PRKN: variants seen among roughly 807,000 people sequenced by gnomAD.
The protein encoded by PRKN is E3 ubiquitin-protein ligase parkin.
PRKN carries 56 observed loss-of-function variants against 59.5 expected under a neutral mutation model. That is an observed-to-expected ratio of 0.94 (90% CI 0.76 to 1.18). The LOEUF (loss-of-function observed/expected upper bound fraction) is 1.18, where lower values mean the gene tolerates loss of function less well. PRKN is among the 50% of genes most tolerant of loss of function. The pLI is 0.00. For synonymous variants in PRKN, 250 were observed against 222.1 expected, an observed-to-expected ratio of 1.13 and a Z score of -1.12; for missense variants, 657 against 596.4, an observed-to-expected ratio of 1.10 and a Z score of -1.06.
At chr6:161,662,642 T>C (rs1381989438) in intron 7 of PRKN, among the ~76,000 whole-genome samples, 1 of 149,188 alleles carries the variant, frequency 6.7e-6, no homozygotes, top group Non-Finnish European at 1.5e-5. Context: ...CCTCCAACTT[T>C]AGCAAAGTCT....
intron 6 of PRKN, among the ~76,000 whole-genome samples, chr6:161,902,552 A>ATCTATTTTTTTT (rs1343265664): frequency 8.3e-5 from 10 of 121,086 alleles, no homozygotes; most frequent in East Asian, 5.1e-4. Flanking sequence ...CTATCTATTT[A>ATCTATTTTTTTT]TTTATTTATT....
intron 1 of PRKN, among the ~76,000 whole-genome samples, chr6:162,520,799 T>TAAA (rs529792174): frequency 5.4e-5 from 8 of 148,296 alleles, no homozygotes; most frequent in South Asian, 2.1e-4. Flanking sequence ...GCCCTTAGTT[T>TAAA]AAAAAAAAAA....
chr6:162,519,725 T>C (rs1778010801), intron 1 of PRKN, among the ~76,000 whole-genome samples: 1 of 152,172 alleles, frequency 6.6e-6, no homozygotes, highest in Non-Finnish European at 1.5e-5. Context: ...ATTTTTAATA[T>C]ATCTGATGCT....
chr6:162,250,075 C>T (rs768810543), intron 3 of PRKN, among the ~76,000 whole-genome samples: 4 of 149,698 alleles, frequency 2.7e-5, no homozygotes, highest in African/African-American at 7.4e-5. Context: ...GAGCCCAGGA[C>T]GCAGAGGTTG....
rs1781091772 is a variant in PRKN, at chr6:162,587,107, A to T, written c.7+140555T>A. Reference sequence around the variant, plus strand: ...CATTTAATTAAAATGTTTTTATAAGAACATAACATAAGCACACAGTAGCAT... The same window carrying T: ...CATTTAATTAAAATGTTTTTATAAGTACATAACATAAGCACACAGTAGCAT... On this transcript the variant is annotated intron_variant, in intron 1 of 11. Coordinates refer to ENST00000366898, the MANE Select transcript of PRKN (RefSeq NM_004562.3). 3.3e-5 allele frequency among the ~76,000 whole-genome samples: 5 copies of T among 152,310 alleles called. No individual in the cohort carries two copies. The South Asian group carries it at 1.0e-3, about 32-fold the overall frequency.
chr6:161,684,594 A>G (rs1031565401), intron 7 of PRKN, among the ~76,000 whole-genome samples: 1 of 152,302 alleles, frequency 6.6e-6, no homozygotes, highest in South Asian at 2.1e-4. Flanking sequence ...TATTAGAGGG[A>G]AAAAATGTCC....
chr6:161,617,934 A>G (rs964221818), intron 7 of PRKN, among the ~76,000 whole-genome samples: 1 of 152,206 alleles, frequency 6.6e-6, no homozygotes, highest in Non-Finnish European at 1.5e-5. Flanking sequence ...AACAAAGGAA[A>G]AAGACTGTGA....
intron 6 of PRKN, among the ~76,000 whole-genome samples, chr6:161,850,360 A>G (rs1793375937): frequency 1.3e-5 from 2 of 152,082 alleles, no homozygotes; most frequent in African/African-American, 4.8e-5. Flanking sequence ...TGCGTGGATC[A>G]CGAGGTCAAG....
intron 5 of PRKN, among the ~76,000 whole-genome samples, chr6:161,973,692 G>A (rs907783325): frequency 1.3e-5 from 2 of 152,154 alleles, no homozygotes; most frequent in African/African-American, 4.8e-5. Context: ...TTTAAGCCAT[G>A]CCCCTCGATG....
intron 7 of PRKN, among the ~76,000 whole-genome samples, chr6:161,720,007 T>G (rs1342215692): frequency 1.3e-5 from 2 of 152,204 alleles, no homozygotes; most frequent in Admixed American, 1.3e-4. Flanking sequence ...CCTCCCCGTT[T>G]GCACTATGCT....
At chr6:161,723,019 A>G (rs1447311917) in intron 7 of PRKN, among the ~76,000 whole-genome samples, 1 of 152,212 alleles carries the variant, frequency 6.6e-6, no homozygotes. Flanking sequence ...CTGTAATCCC[A>G]GCACTTTGGG....
intron 1 of PRKN, among the ~76,000 whole-genome samples, chr6:162,567,561 A>G (rs998471292): frequency 6.6e-6 from 1 of 152,164 alleles, no homozygotes; most frequent in African/African-American, 2.4e-5. Context: ...GGAATTACCC[A>G]AAGAAGCAAA....
intron 2 of PRKN, among the ~76,000 whole-genome samples, chr6:162,337,094 T>C (rs372159796): frequency 9.2e-5 from 14 of 152,320 alleles, no homozygotes; most frequent in African/African-American, 2.9e-4. Context: ...CTACAAATAT[T>C]GAATTAGTAA....
At chr6:162,340,925 T>G (rs774525050) in intron 2 of PRKN, among the ~76,000 whole-genome samples, 7 of 152,140 alleles carry the variant, frequency 4.6e-5, no homozygotes, top group African/African-American at 9.7e-5. Flanking sequence ...AAATGGGATC[T>G]AATTAAACTA....
At chr6:162,153,197 G>A (rs1782348854) in intron 4 of PRKN, among the ~76,000 whole-genome samples, 1 of 152,262 alleles carries the variant, frequency 6.6e-6, no homozygotes. Context: ...ACAGGAGGGA[G>A]CGTGCAAGTG....
intron 1 of PRKN, among the ~76,000 whole-genome samples, chr6:162,653,000 C>T: frequency 6.6e-6 from 1 of 152,106 alleles, no homozygotes. Context: ...CCTTTAGAAA[C>T]TCTATGTGAT....
At chr6:161,926,262 T>C (rs561263032) in intron 6 of PRKN, among the ~76,000 whole-genome samples, 3 of 152,276 alleles carry the variant, frequency 2.0e-5, no homozygotes, top group Middle Eastern at 3.4e-3. Context: ...CTCATACTTA[T>C]ATACCTAAAT....
chr6:161,608,312 A>G (rs1157636199), intron 7 of PRKN, among the ~76,000 whole-genome samples: 1 of 152,192 alleles, frequency 6.6e-6, no homozygotes, highest in African/African-American at 2.4e-5. Context: ...CAAGTCAATC[A>G]CTAAATCCAA....
At position 162,061,603 on chromosome 6, in the gene PRKN, C is replaced by T. The variant is rs537249803; in HGVS notation, c.535-7429G>A. 8.5e-4 allele frequency among the ~76,000 whole-genome samples: 129 copies of T among 152,264 alleles called. 1 individual carries two copies. Among genetic ancestry groups the T allele is most frequent in the Admixed American group, 8.2e-3 (126 of 15,282 alleles). On this transcript the variant is annotated intron_variant, in intron 4 of 11. Coordinates refer to ENST00000366898, the MANE Select transcript of PRKN (RefSeq NM_004562.3). ...TAGACACTGACACTGTTCTGAGCAT[C>T]CATCTTCCTTCATTTGATTTAAAGA...
Sources: gnomAD v4.1 joint callset for allele counts (sites outside exome capture counted in the v4.1 genomes callset) on GRCh38, gnomAD v4.1.1 for gene constraint, MANE v1.5 for transcripts, NCBI Gene and HGNC (gene_info 2026-07-23, HGNC 2026-07-21) for gene names.